LSAMP: variants seen among roughly 807,000 people sequenced by gnomAD.
LSAMP encodes the protein limbic system-associated membrane protein.
Under a neutral mutation model 38.6 loss-of-function variants are expected in LSAMP, and 7 were observed. The observed-to-expected ratio is 0.18, with a 90% CI of 0.10 to 0.34. The LOEUF is 0.34. Among genes scored for constraint, LSAMP ranks in the 10% least tolerant of loss-of-function variants. LSAMP has a pLI of 1.00. For synonymous variants in LSAMP, 154 were observed against 166.8 expected (o/e 0.92, Z 0.59); for missense variants, 313 against 420.0 (o/e 0.75, Z 2.23).
At chr3:116,274,499 A>C (rs1163580723) in intron 1 of LSAMP, among the ~76,000 whole-genome samples, 6 of 152,148 alleles carry the variant, frequency 3.9e-5, no homozygotes, top group South Asian at 2.1e-4. Context: ...ATGGGTTCAC[A>C]TGAAATAAAC....
At chr3:115,949,994 T>A (rs1351578925) in intron 3 of LSAMP, among the ~76,000 whole-genome samples, 1 of 152,108 alleles carries the variant, frequency 6.6e-6, no homozygotes, top group African/African-American at 2.4e-5. Flanking sequence ...AACCGTATGA[T>A]CATCTCAGTA....
intron 1 of LSAMP, among the ~76,000 whole-genome samples, chr3:116,423,332 C>T (rs2049155543): frequency 6.6e-6 from 1 of 152,156 alleles, no homozygotes; most frequent in South Asian, 2.1e-4. Flanking sequence ...GGACACGATG[C>T]CAGAACTGAG....
chr3:115,958,834 A>C (rs1371944657), intron 3 of LSAMP, among the ~76,000 whole-genome samples: 1 of 152,204 alleles, frequency 6.6e-6, no homozygotes, highest in Non-Finnish European at 1.5e-5. Context: ...AATTGTCTCC[A>C]AATGATACAA....
chr3:116,111,711 C>T (rs532426310), intron 1 of LSAMP, among the ~76,000 whole-genome samples: 86 of 152,078 alleles, frequency 5.7e-4, no homozygotes, highest in Middle Eastern at 6.8e-3. Context: ...GTTTCTTTTC[C>T]GTTTCATTAA....
At chr3:116,069,135 C>A (rs1297019848) in intron 2 of LSAMP, among the ~76,000 whole-genome samples, 2 of 152,160 alleles carry the variant, frequency 1.3e-5, no homozygotes, top group East Asian at 3.9e-4. Context: ...AGAAAAAACA[C>A]AAAACACGGA....
chr3:116,386,296 C>T (rs1055223433), intron 1 of LSAMP, among the ~76,000 whole-genome samples: 1 of 152,032 alleles, frequency 6.6e-6, no homozygotes, highest in Non-Finnish European at 1.5e-5. Context: ...CCAGTTCTGA[C>T]CAGAATTTTC....
chr3:115,999,874 G>A (rs983740469), intron 3 of LSAMP, among the ~76,000 whole-genome samples: 12 of 152,130 alleles, frequency 7.9e-5, no homozygotes, highest in Non-Finnish European at 1.3e-4. Flanking sequence ...CAAGCACACA[G>A]CTTCTGCCAC....
In LSAMP at chr3:115,805,348, C is replaced by A. The variant is rs1933606434; in HGVS notation, c.*4969G>T. The A allele has an allele frequency of 6.6e-6, 1 of 152,108 alleles. No individual in the cohort carries two copies. Among genetic ancestry groups the A allele is most frequent in the East Asian group, 1.9e-4 (1 of 5,192 alleles). 9.4% of individuals were successfully genotyped at this position (152,108 alleles called of 1,614,324 possible). ...AGCTTTAGTCGTAATTCTTCCGATT[C>A]TGAACTGTGAAACGTTTCAGTTTTT... On this transcript the variant is annotated 3_prime_UTR_variant, in exon 7 of 7. Coordinates refer to ENST00000490035, the MANE Select transcript of LSAMP (RefSeq NM_002338.5).
At chr3:116,160,002 CACTT>C (rs1401048548) in intron 1 of LSAMP, among the ~76,000 whole-genome samples, 12 of 152,274 alleles carry the variant, frequency 7.9e-5, no homozygotes, top group African/African-American at 2.4e-4. Context: ...TGCATGTTCT[CACTT>C]ACAAGTGGGA....
intron 1 of LSAMP, among the ~76,000 whole-genome samples, chr3:116,217,634 T>C (rs1269025796): frequency 2.0e-5 from 3 of 152,242 alleles, no homozygotes; most frequent in Admixed American, 2.0e-4. Flanking sequence ...CCAATTACTG[T>C]GCTAAACATT....
At chr3:116,423,306 C>A (rs570193852) in intron 1 of LSAMP, among the ~76,000 whole-genome samples, 31 of 152,262 alleles carry the variant, frequency 2.0e-4, no homozygotes, top group Non-Finnish European at 2.9e-4. Context: ...GCATCTGAGA[C>A]TTTTATTCCC....
chr3:116,102,839 GA>G (rs2107453225), intron 1 of LSAMP, among the ~76,000 whole-genome samples: 1 of 151,390 alleles, frequency 6.6e-6, no homozygotes, highest in East Asian at 1.9e-4. Context: ...GAAGAAATCA[GA>G]CTAATACAGT....
chr3:116,310,656 G>T (rs2047545146), intron 1 of LSAMP, among the ~76,000 whole-genome samples: 1 of 152,100 alleles, frequency 6.6e-6, no homozygotes, highest in Non-Finnish European at 1.5e-5. Context: ...ACTAAATGAT[G>T]AGTAAGTCTC....
chr3:116,193,325 G>C (rs760368869), intron 1 of LSAMP, among the ~76,000 whole-genome samples: 1 of 152,114 alleles, frequency 6.6e-6, no homozygotes, highest in Non-Finnish European at 1.5e-5. Context: ...GCTCATTCAG[G>C]CAGGATCTTC....
At chr3:116,381,191 T>A (rs2048553539) in intron 1 of LSAMP, among the ~76,000 whole-genome samples, 1 of 152,072 alleles carries the variant, frequency 6.6e-6, no homozygotes, top group Non-Finnish European at 1.5e-5. Context: ...AGAAAATATT[T>A]CCCTTTGTCT....
chr3:116,045,829 T>A (rs974958672), intron 2 of LSAMP, among the ~76,000 whole-genome samples: 1 of 152,222 alleles, frequency 6.6e-6, no homozygotes, highest in African/African-American at 2.4e-5. Context: ...ACTTTACACA[T>A]AATTAAACTT....
At chr3:116,441,687 A>T (rs1383205463) in intron 1 of LSAMP, among the ~76,000 whole-genome samples, 1 of 152,236 alleles carries the variant, frequency 6.6e-6, no homozygotes, top group South Asian at 2.1e-4. Flanking sequence ...TTGAACTCTT[A>T]CTCCTGTGGG....
At chr3:116,397,391 C>T (rs1045278115) in intron 1 of LSAMP, among the ~76,000 whole-genome samples, 1 of 143,020 alleles carries the variant, frequency 7.0e-6, no homozygotes, top group African/African-American at 2.5e-5. Flanking sequence ...TACCCGCCCC[C>T]CCCCCACACA....
intron 1 of LSAMP, among the ~76,000 whole-genome samples, chr3:116,273,688 A>G (rs2047005639): frequency 8.3e-6 from 1 of 120,504 alleles, no homozygotes; most frequent in African/African-American, 4.0e-5. Flanking sequence ...AGAGGCATAT[A>G]TATATATATA....
Sources: gnomAD v4.1 joint callset for allele counts (sites outside exome capture counted in the v4.1 genomes callset) on GRCh38, gnomAD v4.1.1 for gene constraint, MANE v1.5 for transcripts, NCBI Gene and HGNC (gene_info 2026-07-23, HGNC 2026-07-21) for gene names.